FGF13: variants seen among roughly 807,000 people sequenced by gnomAD.
The protein encoded by FGF13 is fibroblast growth factor homologous factor 2.
A neutral mutation model predicts 19.5 loss-of-function variants in FGF13; 2 were observed. The observed-to-expected ratio is 0.10, with a 90% CI of 0.04 to 0.32. FGF13 has a LOEUF of 0.32. Among genes scored for constraint, FGF13 ranks in the 10% least tolerant of loss-of-function variants. The pLI, the probability that FGF13 is intolerant of heterozygous loss-of-function variation, is 1.00. For synonymous variants in FGF13, 72 were observed against 76.9 expected, an observed-to-expected ratio of 0.94 and a Z score of 0.33; for missense variants, 113 against 192.7, an observed-to-expected ratio of 0.59 and a Z score of 2.45.
At chrX:138,645,118 T>A (rs774881102) in intron 3 of FGF13, among the ~76,000 whole-genome samples, 113 of 111,760 alleles carry the variant, frequency 1.0e-3, no homozygotes, top group African/African-American at 3.5e-3. Flanking sequence ...AAGCCTACTG[T>A]GTCCCAGGCA....
intron 3 of FGF13, among the ~76,000 whole-genome samples, chrX:138,817,471 T>G (rs2090969035): frequency 8.9e-6 from 1 of 112,403 alleles, no homozygotes; most frequent in African/African-American, 3.2e-5. Flanking sequence ...TGGATGTTGC[T>G]GTCACTCCTG....
intron 3 of FGF13, among the ~76,000 whole-genome samples, chrX:138,645,730 C>T (rs1382998856): frequency 8.9e-6 from 1 of 112,188 alleles, no homozygotes; most frequent in Non-Finnish European, 1.9e-5. Flanking sequence ...AGAAAAGCAC[C>T]TTTCCATTTC....
intron 3 of FGF13, among the ~76,000 whole-genome samples, chrX:138,638,919 T>G (rs2089215659): frequency 9.0e-6 from 1 of 111,486 alleles, no homozygotes; most frequent in African/African-American, 3.3e-5. Flanking sequence ...CTGAATGCTC[T>G]GTCACATCCT....
chrX:139,123,435 G>A (rs969461642), intron 1 of FGF13, among the ~76,000 whole-genome samples: 1 of 111,396 alleles, frequency 9.0e-6, no homozygotes, highest in African/African-American at 3.3e-5. Flanking sequence ...ACAACAAGCA[G>A]ATCTTGAGCA....
At chrX:138,689,051 G>A (rs1296677069) in intron 3 of FGF13, among the ~76,000 whole-genome samples, 1 of 111,125 alleles carries the variant, frequency 9.0e-6, no homozygotes, top group Non-Finnish European at 1.9e-5. Context: ...TGGGCATCTG[G>A]ACCAAGAGCT....
chrX:138,852,099 C>A (rs761047006), intron 3 of FGF13, among the ~76,000 whole-genome samples: 1 of 112,012 alleles, frequency 8.9e-6, no homozygotes, highest in Non-Finnish European at 1.9e-5. Flanking sequence ...ATTCCATGCT[C>A]ATGGATAGAA....
intron 3 of FGF13, among the ~76,000 whole-genome samples, chrX:138,845,467 T>TATTCA (rs776527870): frequency 5.4e-5 from 6 of 112,109 alleles, no homozygotes; most frequent in Non-Finnish European, 1.1e-4. Flanking sequence ...TAATAATAAA[T>TATTCA]ATTCATTGAG....
intron 3 of FGF13, among the ~76,000 whole-genome samples, chrX:138,809,488 C>A (rs1295456050): frequency 8.9e-6 from 1 of 111,781 alleles, no homozygotes; most frequent in South Asian, 3.8e-4. Context: ...CAGCCAATAT[C>A]ATACTGAATG....
intron 2 of FGF13, among the ~76,000 whole-genome samples, 185 bp from the exon 3 acceptor site, chrX:138,703,272 G>A (rs965320388): frequency 2.7e-5 from 3 of 111,578 alleles, no homozygotes; most frequent in Admixed American, 9.5e-5. Flanking sequence ...CACATACCCC[G>A]AGGCAGACAG....
At chrX:138,842,894 T>C (rs900873043) in intron 3 of FGF13, among the ~76,000 whole-genome samples, 2 of 111,588 alleles carry the variant, frequency 1.8e-5, no homozygotes, top group Admixed American at 1.9e-4. Flanking sequence ...AATAAATATC[T>C]CAACTAATTT....
chrX:138,843,045 C>T (rs892958024), intron 3 of FGF13, among the ~76,000 whole-genome samples: 1 of 111,118 alleles, frequency 9.0e-6, no homozygotes, highest in African/African-American at 3.3e-5. Context: ...TTTGTTAAAA[C>T]CTTCTATGTA....
chrX:138,808,000 T>A (rs1251555547), intron 3 of FGF13, among the ~76,000 whole-genome samples: 1 of 111,397 alleles, frequency 9.0e-6, no homozygotes, highest in Non-Finnish European at 1.9e-5. Context: ...AGGGAGACTT[T>A]AACACCCCAC....
chrX:138,938,037 G>A (rs1028678644), intron 1 of FGF13, among the ~76,000 whole-genome samples: 6 of 111,431 alleles, frequency 5.4e-5, no homozygotes, highest in African/African-American at 1.6e-4. Flanking sequence ...GAGAAGGAGT[G>A]GCCATTGAGG....
intron 1 of FGF13, among the ~76,000 whole-genome samples, chrX:138,911,432 G>C (rs1263594815): frequency 9.1e-6 from 1 of 109,532 alleles, no homozygotes; most frequent in Non-Finnish European, 1.9e-5. Context: ...TGGACACACA[G>C]AGGGGGGCAA....
chrX:139,006,035 G>C (rs1423220025), intron 1 of FGF13, among the ~76,000 whole-genome samples: 1 of 111,020 alleles, frequency 9.0e-6, no homozygotes, highest in Non-Finnish European at 1.9e-5. Context: ...TAAAAACAGA[G>C]AACTTCCCAA....
At chrX:139,165,696 G>A (rs1322807345) in intron 1 of FGF13, among the ~76,000 whole-genome samples, 1 of 111,137 alleles carries the variant, frequency 9.0e-6, no homozygotes, top group Non-Finnish European at 1.9e-5. Context: ...GATTTCAAGC[G>A]GCCCAAGGTG....
chrX:138,940,815 G>A (rs2091754269), intron 1 of FGF13, among the ~76,000 whole-genome samples: 1 of 111,224 alleles, frequency 9.0e-6, no homozygotes, highest in African/African-American at 3.3e-5. Context: ...CCAGTATCAT[G>A]TTGGTTTGCT....
At chrX:139,057,697 T>A (rs2092324230) in intron 1 of FGF13, among the ~76,000 whole-genome samples, 1 of 112,168 alleles carries the variant, frequency 8.9e-6, no homozygotes, top group Non-Finnish European at 1.9e-5. Flanking sequence ...GAAATATTAT[T>A]TGGCAGTAAG....
At chrX:138,660,900 T>C (rs1170539201) in intron 3 of FGF13, among the ~76,000 whole-genome samples, 1 of 111,690 alleles carries the variant, frequency 9.0e-6, no homozygotes, top group Non-Finnish European at 1.9e-5. Flanking sequence ...ACACAGATAA[T>C]ACACACCCAC....
Sources: gnomAD v4.1 joint callset for allele counts (sites outside exome capture counted in the v4.1 genomes callset) on GRCh38, gnomAD v4.1.1 for gene constraint, MANE v1.5 for transcripts, NCBI Gene and HGNC (gene_info 2026-07-23, HGNC 2026-07-21) for gene names.